ST7: variants seen among roughly 807,000 people sequenced by gnomAD.
ST7 encodes the protein suppression of tumorigenicity 7, also known as suppressor of tumorigenicity 7 protein.
In ST7, 28 loss-of-function variants were observed where a neutral mutation model predicts 78.7. The observed-to-expected ratio is 0.36, with a 90% CI of 0.26 to 0.49. The LOEUF (loss-of-function observed/expected upper bound fraction) is 0.49, where lower values mean the gene tolerates loss of function less well. Ranked by LOEUF, ST7 falls within the 20% of genes least tolerant of loss-of-function variation. ST7 has a pLI of 0.99. For missense variants in ST7, 418 were observed against 696.0 expected (o/e 0.60, Z 4.49); for synonymous variants, 247 against 249.6 (o/e 0.99, Z 0.10).
chr7:117,055,461 C>T (rs1285540554), intron 1 of ST7, among the ~76,000 whole-genome samples: 1 of 152,152 alleles, frequency 6.6e-6, no homozygotes, highest in Non-Finnish European at 1.5e-5. Context: ...GCCTCGGCCT[C>T]CCAAAGTGCT....
intron 1 of ST7, chr7:116,972,783 T>C: frequency 1.0e-6 from 1 of 953,088 alleles, no homozygotes. Context: ...CCTCAGCCTG[T>C]TCCTGGGAAC....
At chr7:117,226,278 G>A (rs1472338629) in intron 15 of ST7, among the ~76,000 whole-genome samples, 1 of 152,148 alleles carries the variant, frequency 6.6e-6, no homozygotes, top group Non-Finnish European at 1.5e-5. Context: ...CAATTGAAAT[G>A]TCGTTCTCTT....
intron 1 of ST7, among the ~76,000 whole-genome samples, chr7:117,023,329 A>C (rs1003786645): frequency 2.0e-5 from 3 of 152,210 alleles, no homozygotes; most frequent in Non-Finnish European, 4.4e-5. Flanking sequence ...TTCAAAGTTA[A>C]AGACTTACAC....
In ST7 at chr7:117,115,353, CT is replaced by C. The variant is rs1272973593; in HGVS notation, c.235-4189del. ...GCAAGAAGTGAGAAGTGGTAGGTTA[CT>C]TTTTTTTTTTTTTTTTTTGAGACAC... On this transcript the variant is annotated intron_variant, in intron 2 of 15. Coordinates refer to ENST00000323984, the MANE Select transcript of ST7 (RefSeq NM_001369598.1). Among the ~76,000 whole-genome samples, 1,304 of 135,310 alleles carry C rather than the reference CT, an allele frequency of 9.6e-3. 9 individuals are homozygous for C. Among genetic ancestry groups the C allele is most frequent in the African/African-American group, 0.024 (870 of 36,942 alleles). The allele number at this position is 135,310 out of a possible 152,430, so 88.8% of individuals were successfully genotyped here. A position where few individuals can be genotyped will look rare whatever the true frequency, so the allele number is the denominator to read the frequency against.
chr7:116,964,109 T>G (rs1792978749), intron 1 of ST7, among the ~76,000 whole-genome samples: 1 of 152,224 alleles, frequency 6.6e-6, no homozygotes. Context: ...TAAAATCGTC[T>G]TAAATAAGGA....
chr7:117,021,138 A>AT (rs888710136), intron 1 of ST7, among the ~76,000 whole-genome samples: 169 of 149,146 alleles, frequency 1.1e-3, no homozygotes, highest in South Asian at 7.5e-3. Context: ...TTGAGGATGG[A>AT]TTTTTTTTTT....
intron 1 of ST7, among the ~76,000 whole-genome samples, chr7:116,973,889 A>G (rs1463623701): frequency 6.6e-6 from 1 of 152,242 alleles, no homozygotes; most frequent in East Asian, 1.9e-4. Context: ...TAGGTAAATT[A>G]ATGCTGCATG....
chr7:117,179,220 T>C (rs1808562229), intron 10 of ST7, among the ~76,000 whole-genome samples: 1 of 152,222 alleles, frequency 6.6e-6, no homozygotes. Flanking sequence ...TTCTAGGAGC[T>C]AAATTGGATG....
intron 13 of ST7, among the ~76,000 whole-genome samples, chr7:117,212,144 A>G (rs1240860044): frequency 2.6e-5 from 4 of 152,236 alleles, no homozygotes; most frequent in African/African-American, 7.2e-5. Flanking sequence ...ACTATATGCT[A>G]AATGCTTGAG....
At chr7:117,117,199 GTCCTT>G (rs2116925179) in intron 2 of ST7, among the ~76,000 whole-genome samples, 1 of 152,232 alleles carries the variant, frequency 6.6e-6, no homozygotes, top group East Asian at 1.9e-4. Flanking sequence ...GTCCTTTAAG[GTCCTT>G]TTTAGCGCTG....
intron 1 of ST7, among the ~76,000 whole-genome samples, chr7:117,051,167 A>G (rs1204339431): frequency 6.6e-6 from 1 of 152,246 alleles, no homozygotes; most frequent in Non-Finnish European, 1.5e-5. Flanking sequence ...TTTAACTGCT[A>G]GAATTGCAAC....
At chr7:117,129,971 A>G in intron 4 of ST7, 124 bp downstream of exon 4, 3 of 647,390 alleles carry the variant, frequency 4.6e-6, no homozygotes, top group Admixed American at 6.4e-5. Context: ...CCATTTTTTA[A>G]TACTATCTTC....
In ST7 at chr7:116,979,123, G is replaced by A. The variant is rs568779676; in HGVS notation, c.151+25432G>A. ...AGAGACATAGCCAATCTGTGCATTG[G>A]GAGCCTGGAGAAAACGCTCTGTGCC... On this transcript the variant is annotated intron_variant, in intron 1 of 15. Transcript: ENST00000323984. Among the ~76,000 whole-genome samples the A allele has an allele frequency of 6.6e-5, 10 of 152,216 alleles. No individual in the cohort carries two copies. In the East Asian group the frequency reaches 1.9e-3, roughly 29 times the overall value.
chr7:117,168,961 A>G (rs984820703), intron 9 of ST7, among the ~76,000 whole-genome samples: 2 of 152,306 alleles, frequency 1.3e-5, no homozygotes, highest in African/African-American at 4.8e-5. Context: ...AGAGGTTGTT[A>G]TGTTATAATA....
chr7:117,121,111 C>G (rs1304597313), intron 3 of ST7, among the ~76,000 whole-genome samples: 1 of 152,216 alleles, frequency 6.6e-6, no homozygotes, highest in Non-Finnish European at 1.5e-5. Flanking sequence ...TATAGTGACT[C>G]AAGTCAGACA....
At chr7:117,111,554 C>T (rs1436439604) in intron 2 of ST7, among the ~76,000 whole-genome samples, 1 of 152,194 alleles carries the variant, frequency 6.6e-6, no homozygotes, top group African/African-American at 2.4e-5. Context: ...ATCCCTAATA[C>T]TTCTTAGTTC....
chr7:117,096,968 A>C (rs1801090809), intron 1 of ST7, among the ~76,000 whole-genome samples: 1 of 152,238 alleles, frequency 6.6e-6, no homozygotes, highest in Non-Finnish European at 1.5e-5. Context: ...AATACATTTT[A>C]ATTATTAATT....
intron 1 of ST7, 86 bp from the exon 2 acceptor site, chr7:117,099,676 C>A: frequency 3.3e-6 from 3 of 897,138 alleles, no homozygotes; most frequent in Admixed American, 2.6e-5. Context: ...AATGATTTTA[C>A]CAGAGAGAAA....
chr7:116,963,549 A>AT (rs1562979776), intron 1 of ST7, among the ~76,000 whole-genome samples: 2 of 151,696 alleles, frequency 1.3e-5, no homozygotes, highest in Non-Finnish European at 2.9e-5. Flanking sequence ...CTGAGAAAGC[A>AT]TTTTTTTCCA....
Sources: allele counts gnomAD v4.1 joint callset (sites outside exome capture counted in the v4.1 genomes callset), GRCh38; gene constraint gnomAD v4.1.1; transcripts MANE v1.5; gene names NCBI Gene and HGNC (gene_info 2026-07-23, HGNC 2026-07-21).